Variants in LSAMP observed in about 807,000 individuals in gnomAD.
The protein encoded by LSAMP is limbic system-associated membrane protein.
Under a neutral mutation model 38.6 loss-of-function variants are expected in LSAMP, and 7 were observed. That is an observed-to-expected ratio of 0.18 (90% CI 0.10 to 0.34). The LOEUF (loss-of-function observed/expected upper bound fraction) is 0.34. Ranked by LOEUF, LSAMP falls within the 10% of genes least tolerant of loss-of-function variation. The pLI is 1.00. For missense variants in LSAMP, 313 were observed against 420.0 expected (o/e 0.75, Z 2.23); for synonymous variants, 154 against 166.8 (o/e 0.92, Z 0.59).
intron 1 of LSAMP, among the ~76,000 whole-genome samples, chr3:116,114,130 CAT>C (rs925016101): frequency 1.3e-5 from 2 of 152,206 alleles, no homozygotes; most frequent in African/African-American, 4.8e-5. Context: ...CCTCACATAA[CAT>C]GTCTCAATCC....
At chr3:115,921,511 A>G (rs944135272) in intron 3 of LSAMP, among the ~76,000 whole-genome samples, 1 of 152,076 alleles carries the variant, frequency 6.6e-6, no homozygotes, top group African/African-American at 2.4e-5. Flanking sequence ...AGCATTATTC[A>G]TTAATGTATT....
intron 1 of LSAMP, among the ~76,000 whole-genome samples, chr3:116,185,414 T>C (rs1024839905): frequency 2.0e-5 from 3 of 152,094 alleles, no homozygotes; most frequent in African/African-American, 4.8e-5. Context: ...TCAGGCTCAC[T>C]GTTTTGAAGA....
At chr3:116,346,695 A>G (rs938140579) in intron 1 of LSAMP, among the ~76,000 whole-genome samples, 1 of 152,208 alleles carries the variant, frequency 6.6e-6, no homozygotes, top group Non-Finnish European at 1.5e-5. Context: ...AGAATATGAT[A>G]CTGAGTACCA....
At chr3:116,022,984 T>TCCCTTGACTGCTCTCTC (rs1940679799) in intron 2 of LSAMP, among the ~76,000 whole-genome samples, 2 of 152,228 alleles carry the variant, frequency 1.3e-5, no homozygotes, top group Non-Finnish European at 2.9e-5. Flanking sequence ...GCAAAGCATC[T>TCCCTTGACTGCTCTCTC]CCCTTGACTG....
At chr3:115,896,207 G>A (rs924191028) in intron 3 of LSAMP, among the ~76,000 whole-genome samples, 1 of 151,986 alleles carries the variant, frequency 6.6e-6, no homozygotes, top group Non-Finnish European at 1.5e-5. Context: ...AAATAAGACA[G>A]CAAGGAAATA....
chr3:116,123,531 T>G (rs1708935988), intron 1 of LSAMP, among the ~76,000 whole-genome samples: 1 of 152,268 alleles, frequency 6.6e-6, no homozygotes, highest in East Asian at 1.9e-4. Context: ...ACAAATTGAC[T>G]ATGGAACTTG....
chr3:116,265,956 G>GT (rs771711252), intron 1 of LSAMP, among the ~76,000 whole-genome samples: 285 of 94,626 alleles, frequency 3.0e-3, no homozygotes, highest in Middle Eastern at 0.025. Flanking sequence ...AAAGTTGTGG[G>GT]GTTTTTTTTT....
intron 2 of LSAMP, among the ~76,000 whole-genome samples, chr3:116,064,417 A>C (rs1319885703): frequency 1.3e-5 from 2 of 151,332 alleles, no homozygotes; most frequent in Admixed American, 6.6e-5. Flanking sequence ...CGGGAGGCTG[A>C]GGCAGGAGAA....
At chr3:116,181,186 T>C (rs928558708) in intron 1 of LSAMP, among the ~76,000 whole-genome samples, 4 of 152,082 alleles carry the variant, frequency 2.6e-5, no homozygotes, top group African/African-American at 9.7e-5. Context: ...CAATCATTTT[T>C]TCAAATGACA....
intron 6 of LSAMP, among the ~76,000 whole-genome samples, chr3:115,814,760 C>T: frequency 6.6e-6 from 1 of 152,084 alleles, no homozygotes; most frequent in African/African-American, 2.4e-5. Flanking sequence ...TTTGAATTCT[C>T]TTAGAATTAT....
chr3:116,032,876 A>C (rs1202803673), intron 2 of LSAMP, among the ~76,000 whole-genome samples: 1 of 152,168 alleles, frequency 6.6e-6, no homozygotes, highest in Non-Finnish European at 1.5e-5. Context: ...GATTAAATTA[A>C]ACAGAGGCCA....
chr3:116,063,730 A>G (rs1941634846), intron 2 of LSAMP, among the ~76,000 whole-genome samples: 1 of 152,208 alleles, frequency 6.6e-6, no homozygotes, highest in African/African-American at 2.4e-5. Flanking sequence ...CTAGGAAATA[A>G]AACATTTTAA....
chr3:115,905,565 G>C (rs1006550418), intron 3 of LSAMP, among the ~76,000 whole-genome samples: 1 of 151,846 alleles, frequency 6.6e-6, no homozygotes, highest in African/African-American at 2.4e-5. Flanking sequence ...TTAATATTTG[G>C]CCTTTAATAT....
intron 1 of LSAMP, among the ~76,000 whole-genome samples, chr3:116,100,223 A>G (rs1708316111): frequency 6.6e-6 from 1 of 151,862 alleles, no homozygotes; most frequent in Admixed American, 6.6e-5. Context: ...CTGGGAATAC[A>G]GGTGCATGCC....
intron 6 of LSAMP, among the ~76,000 whole-genome samples, chr3:115,812,085 G>C (rs1933853139): frequency 6.6e-6 from 1 of 152,272 alleles, no homozygotes; most frequent in South Asian, 2.1e-4. Context: ...AAAACAAGGA[G>C]ACAACTACTA....
intron 1 of LSAMP, among the ~76,000 whole-genome samples, chr3:116,202,143 CT>C (rs550107092): frequency 3.1e-4 from 45 of 145,760 alleles, no homozygotes; most frequent in Middle Eastern, 3.5e-3. Context: ...CCTTTCTTTT[CT>C]TTTTTTTTTT....
intron 2 of LSAMP, among the ~76,000 whole-genome samples, chr3:116,074,661 T>A (rs1707693826): frequency 6.6e-6 from 1 of 152,158 alleles, no homozygotes; most frequent in Non-Finnish European, 1.5e-5. Flanking sequence ...CTGGCTATCC[T>A]CATTTTGTTA....
intron 3 of LSAMP, among the ~76,000 whole-genome samples, chr3:115,855,928 C>T (rs530009715): frequency 3.8e-4 from 58 of 152,300 alleles, no homozygotes; most frequent in African/African-American, 1.3e-3. Flanking sequence ...TTCCCTGGCC[C>T]TTCCTGATTA....
chr3:116,201,305 C>T (rs951105979), intron 1 of LSAMP, among the ~76,000 whole-genome samples: 8 of 152,210 alleles, frequency 5.3e-5, no homozygotes, highest in African/African-American at 1.9e-4. Flanking sequence ...TAAACACAGC[C>T]TTTCCTCTTT....
Sources: allele counts gnomAD v4.1 joint callset (sites outside exome capture counted in the v4.1 genomes callset), GRCh38; gene constraint gnomAD v4.1.1; transcripts MANE v1.5; gene names NCBI Gene and HGNC (gene_info 2026-07-23, HGNC 2026-07-21).